Variants in UNC13C observed in about 807,000 individuals in gnomAD.
UNC13C encodes unc-13 homolog C.
A neutral mutation model predicts 245.4 loss-of-function variants in UNC13C; 174 were observed. The observed-to-expected ratio is 0.71, with a 90% CI of 0.63 to 0.80. The LOEUF (loss-of-function observed/expected upper bound fraction) is 0.80. UNC13C is among the 30% of genes least tolerant of loss of function. The pLI, the probability that UNC13C is intolerant of heterozygous loss-of-function variation, is 0.00. For synonymous variants in UNC13C, 992 were observed against 895.1 expected (o/e 1.11, Z -1.93); for missense variants, 2,829 against 2,602.9 (o/e 1.09, Z -1.89).
At chr15:53,894,410 A>G in the UNC13C span, among the ~76,000 whole-genome samples, 1 of 152,372 alleles carries the variant, frequency 6.6e-6, no homozygotes, top group East Asian at 1.9e-4. Context: ...TTGGCTCAAC[A>G]AACCCAACCC....
At chr15:54,145,714 C>G (rs190012105) in intron 4 of UNC13C, among the ~76,000 whole-genome samples, 37 of 152,310 alleles carry the variant, frequency 2.4e-4, no homozygotes, top group African/African-American at 8.4e-4. Context: ...TCGTGTCATG[C>G]ACCTGGAGGT....
chr15:53,946,266 C>A, the UNC13C span, among the ~76,000 whole-genome samples: 1 of 151,962 alleles, frequency 6.6e-6, no homozygotes, highest in Non-Finnish European at 1.5e-5. Context: ...ACTTCTAGTA[C>A]AATGTTGAAT....
At chr15:54,192,892 T>C (rs2034233539) in intron 4 of UNC13C, among the ~76,000 whole-genome samples, 1 of 147,944 alleles carries the variant, frequency 6.8e-6, no homozygotes, top group Non-Finnish European at 1.5e-5. Context: ...TTTCTCTTTC[T>C]CTGTGCCACA....
At chr15:54,086,196 T>C (rs1899229233) in intron 2 of UNC13C, among the ~76,000 whole-genome samples, 1 of 152,162 alleles carries the variant, frequency 6.6e-6, no homozygotes, top group South Asian at 2.1e-4. Context: ...AGTGTGTCTG[T>C]TAACCAGTCT....
At chr15:54,533,104 C>T (rs1196879540) in intron 26 of UNC13C, 38 bp downstream of exon 26, 3 of 1,540,078 alleles carry the variant, frequency 1.9e-6, no homozygotes, top group Non-Finnish European at 2.6e-6. Flanking sequence ...TACTTATTGC[C>T]CTAAATTTGA....
intron 2 of UNC13C, among the ~76,000 whole-genome samples, chr15:54,046,062 C>T (rs962692738): frequency 6.6e-6 from 1 of 152,014 alleles, no homozygotes; most frequent in Non-Finnish European, 1.5e-5. Context: ...GTTTTTTTAA[C>T]CCAACAATCT....
intron 2 of UNC13C, among the ~76,000 whole-genome samples, chr15:54,096,651 C>A (rs1899882404): frequency 6.6e-6 from 1 of 152,166 alleles, no homozygotes. Context: ...AGAATCCACA[C>A]TAACTTTCTT....
intron 10 of UNC13C, among the ~76,000 whole-genome samples, chr15:54,286,536 A>T (rs973500355): frequency 6.6e-6 from 1 of 152,188 alleles, no homozygotes; most frequent in Non-Finnish European, 1.5e-5. Context: ...TGACTATGAA[A>T]GCCATGAGCG....
chr15:54,218,117 G>C (rs982993042), intron 4 of UNC13C, among the ~76,000 whole-genome samples: 1 of 151,880 alleles, frequency 6.6e-6, no homozygotes, highest in Non-Finnish European at 1.5e-5. Context: ...AGTTTTATAG[G>C]GGATATGACA....
At chr15:54,238,268 T>C (rs1223665532) in intron 7 of UNC13C, among the ~76,000 whole-genome samples, 2 of 151,984 alleles carry the variant, frequency 1.3e-5, no homozygotes, top group Non-Finnish European at 2.9e-5. Context: ...AGAGATGGGG[T>C]TTCACCATGT....
chr15:54,478,419 A>G (rs976349303), intron 19 of UNC13C, among the ~76,000 whole-genome samples: 1 of 125,010 alleles, frequency 8.0e-6, no homozygotes, highest in Non-Finnish European at 1.7e-5. Flanking sequence ...TCAATTTTGG[A>G]TATTTCCTGC....
intron 7 of UNC13C, among the ~76,000 whole-genome samples, chr15:54,238,327 C>T (rs992369757): frequency 6.6e-6 from 1 of 152,100 alleles, no homozygotes; most frequent in Admixed American, 6.6e-5. Flanking sequence ...CCTGCCTTGG[C>T]CTCCCAAAGT....
At chr15:54,089,912 G>T (rs921121375) in intron 2 of UNC13C, among the ~76,000 whole-genome samples, 6 of 152,258 alleles carry the variant, frequency 3.9e-5, no homozygotes, top group African/African-American at 1.4e-4. Flanking sequence ...CAAGCGGTAG[G>T]ACTTCCAATG....
intron 30 of UNC13C, among the ~76,000 whole-genome samples, chr15:54,592,555 T>G (rs2553217): frequency 3.9e-5 from 6 of 152,086 alleles, no homozygotes; most frequent in Non-Finnish European, 7.4e-5. Flanking sequence ...TACTGTCCCT[T>G]TTTGTCTCTT....
intron 29 of UNC13C, among the ~76,000 whole-genome samples, chr15:54,566,965 T>C (rs1816428736): frequency 6.6e-6 from 1 of 152,102 alleles, no homozygotes; most frequent in Non-Finnish European, 1.5e-5. Flanking sequence ...AGAGAACCGT[T>C]TATCTAAACT....
At chr15:54,049,689 T>C (rs1238085672) in intron 2 of UNC13C, 4 of 220,852 alleles carry the variant, frequency 1.8e-5, no homozygotes, top group Non-Finnish European at 2.8e-5. Flanking sequence ...CACGCAATAT[T>C]AAATATGCTA....
At chr15:54,259,236 A>T (rs1290534671) in intron 8 of UNC13C, among the ~76,000 whole-genome samples, 1 of 152,242 alleles carries the variant, frequency 6.6e-6, no homozygotes, top group African/African-American at 2.4e-5. Context: ...AGACTACGCC[A>T]GTTAGTTAAG....
the UNC13C span, among the ~76,000 whole-genome samples, chr15:53,862,400 G>A: frequency 4.6e-5 from 7 of 152,082 alleles, no homozygotes; most frequent in Admixed American, 4.6e-4. Context: ...AAGCAGGAGT[G>A]TTTCATTCAA....
chr15:54,331,457 TCTA>T (rs1306092246), intron 14 of UNC13C, among the ~76,000 whole-genome samples: 1 of 152,112 alleles, frequency 6.6e-6, no homozygotes, highest in Non-Finnish European at 1.5e-5. Flanking sequence ...GCTGCATGTT[TCTA>T]CTAATTTTAG....
Sources: allele counts gnomAD v4.1 joint callset (sites outside exome capture counted in the v4.1 genomes callset), GRCh38; gene constraint gnomAD v4.1.1; transcripts MANE v1.5; gene names NCBI Gene and HGNC (gene_info 2026-07-23, HGNC 2026-07-21).